Variants in NCKAP5 observed in about 807,000 individuals in gnomAD.
NCKAP5 encodes the protein NCK associated protein 5.
NCKAP5 carries 92 observed loss-of-function variants against 167.0 expected under a neutral mutation model. The observed-to-expected ratio is 0.55, with a 90% CI of 0.47 to 0.66. The LOEUF (loss-of-function observed/expected upper bound fraction) is 0.66. NCKAP5 is among the 30% of genes least tolerant of loss of function. The pLI, the probability that NCKAP5 is intolerant of heterozygous loss-of-function variation, is 0.00. For missense variants in NCKAP5, 2,378 were observed against 2,315.0 expected (o/e 1.03, Z -0.56); for synonymous variants, 891 against 877.4 (o/e 1.02, Z -0.27).
At chr2:132,963,317 CTG>C (rs145607139) in intron 8 of NCKAP5, among the ~76,000 whole-genome samples, 5 of 151,996 alleles carry the variant, frequency 3.3e-5, no homozygotes, top group Non-Finnish European at 5.9e-5. Flanking sequence ...TATAAAATCT[CTG>C]TGTGTGTGTG....
chr2:133,223,691 A>T (rs1485252575), intron 4 of NCKAP5, among the ~76,000 whole-genome samples: 2 of 152,172 alleles, frequency 1.3e-5, no homozygotes, highest in African/African-American at 4.8e-5. Flanking sequence ...AATCACTCTG[A>T]TTATATGCTT....
chr2:132,837,396 T>C (rs1044018892), intron 11 of NCKAP5, among the ~76,000 whole-genome samples: 1 of 152,154 alleles, frequency 6.6e-6, no homozygotes, highest in Non-Finnish European at 1.5e-5. Flanking sequence ...TTAATTTCTT[T>C]AGTTTTGAAC....
chr2:132,895,106 C>T (rs966294772), intron 8 of NCKAP5, among the ~76,000 whole-genome samples: 15 of 152,068 alleles, frequency 9.9e-5, no homozygotes, highest in East Asian at 1.9e-4. Context: ...CCAAGGCGGG[C>T]GGATCACAAG....
chr2:133,047,298 CT>C (rs1225614392), intron 6 of NCKAP5, among the ~76,000 whole-genome samples: 1 of 152,214 alleles, frequency 6.6e-6, no homozygotes, highest in Non-Finnish European at 1.5e-5. Context: ...CAGCAGCCCC[CT>C]GGGCTCGACC....
At chr2:133,593,198 AT>A in the NCKAP5 span, among the ~76,000 whole-genome samples, 1 of 152,220 alleles carries the variant, frequency 6.6e-6, no homozygotes, top group Non-Finnish European at 1.5e-5. Context: ...ATGTTTGCAC[AT>A]TTATCCATAG....
At chr2:133,199,455 G>A (rs2085578300) in intron 5 of NCKAP5, among the ~76,000 whole-genome samples, 1 of 151,908 alleles carries the variant, frequency 6.6e-6, no homozygotes, top group South Asian at 2.1e-4. Context: ...TACATAAATG[G>A]ACAATAAGCA....
intron 3 of NCKAP5, among the ~76,000 whole-genome samples, chr2:133,443,540 C>T (rs1690988802): frequency 6.6e-6 from 1 of 152,136 alleles, no homozygotes; most frequent in Non-Finnish European, 1.5e-5. Context: ...CTTGCACACT[C>T]CCTCTCCTTC....
intron 3 of NCKAP5, among the ~76,000 whole-genome samples, chr2:133,425,727 T>A (rs770558806): frequency 2.0e-5 from 3 of 152,184 alleles, no homozygotes; most frequent in Non-Finnish European, 2.9e-5. Flanking sequence ...ATTCTAAATA[T>A]TTCAAATGGG....
At chr2:132,833,302 T>C (rs1294568715) in intron 11 of NCKAP5, among the ~76,000 whole-genome samples, 1 of 152,216 alleles carries the variant, frequency 6.6e-6, no homozygotes, top group Non-Finnish European at 1.5e-5. Context: ...TGCAAATGTA[T>C]TCTCCCATTC....
intron 19 of NCKAP5, among the ~76,000 whole-genome samples, chr2:132,690,042 G>A (rs1171965447): frequency 6.6e-6 from 1 of 152,040 alleles, no homozygotes; most frequent in Non-Finnish European, 1.5e-5. Flanking sequence ...TAAATTGCCT[G>A]TTTGTTCTCA....
intron 16 of NCKAP5, among the ~76,000 whole-genome samples, chr2:132,773,113 T>C (rs1023260764): frequency 6.6e-6 from 1 of 152,196 alleles, no homozygotes; most frequent in African/African-American, 2.4e-5. Context: ...ATGGCTATAT[T>C]TAGAGCCTGA....
chr2:132,819,432 G>A (rs1190921228), intron 11 of NCKAP5, among the ~76,000 whole-genome samples: 1 of 152,216 alleles, frequency 6.6e-6, no homozygotes, highest in Non-Finnish European at 1.5e-5. Context: ...GTGAGCTCAA[G>A]AGAAACTATT....
chr2:132,708,292 C>T (rs1688547656), intron 19 of NCKAP5, among the ~76,000 whole-genome samples: 1 of 152,036 alleles, frequency 6.6e-6, no homozygotes, highest in African/African-American at 2.4e-5. Context: ...GTCTAAAATG[C>T]CATTTCTGGA....
chr2:133,125,236 T>G (rs2149777634), intron 6 of NCKAP5, among the ~76,000 whole-genome samples: 1 of 149,090 alleles, frequency 6.7e-6, no homozygotes, highest in South Asian at 2.1e-4. Context: ...TTTTTTTTTG[T>G]AAATCACTGT....
the NCKAP5 span, among the ~76,000 whole-genome samples, chr2:133,627,386 AT>A: frequency 2.6e-5 from 4 of 152,348 alleles, no homozygotes; most frequent in South Asian, 8.3e-4. Flanking sequence ...TTTAAAACTT[AT>A]GTTGATGTTT....
At chr2:133,016,438 G>A (rs1028302589) in intron 6 of NCKAP5, among the ~76,000 whole-genome samples, 2 of 152,218 alleles carry the variant, frequency 1.3e-5, no homozygotes, top group Admixed American at 6.5e-5. Flanking sequence ...AAATCTGATG[G>A]AAACAAATCT....
At chr2:132,987,623 A>G (rs2077325898) in intron 7 of NCKAP5, among the ~76,000 whole-genome samples, 1 of 152,218 alleles carries the variant, frequency 6.6e-6, no homozygotes, top group South Asian at 2.1e-4. Context: ...TTTGGAAAGA[A>G]TAGAGCTGGG....
At chr2:132,821,913 C>T (rs1450628623) in intron 11 of NCKAP5, among the ~76,000 whole-genome samples, 1 of 152,192 alleles carries the variant, frequency 6.6e-6, no homozygotes. Context: ...CCTGCCCTGA[C>T]TGGGTAGTAC....
intron 3 of NCKAP5, among the ~76,000 whole-genome samples, chr2:133,380,372 ATAAC>A (rs1178220606): frequency 2.0e-5 from 3 of 152,184 alleles, no homozygotes; most frequent in Non-Finnish European, 4.4e-5. Flanking sequence ...AATGTTATAA[ATAAC>A]TAACTACATT....
Sources: allele counts gnomAD v4.1 joint callset (sites outside exome capture counted in the v4.1 genomes callset), GRCh38; gene constraint gnomAD v4.1.1; transcripts MANE v1.5; gene names NCBI Gene and HGNC (gene_info 2026-07-23, HGNC 2026-07-21).